The following PAH variants were observed in gnomAD, a reference collection of about 807,000 sequenced individuals.
PAH encodes phenylalanine-4-hydroxylase.
PAH carries 64 observed loss-of-function variants against 62.0 expected under a neutral mutation model. The observed-to-expected ratio is 1.03, with a 90% CI of 0.84 to 1.27. The LOEUF (loss-of-function observed/expected upper bound fraction) is 1.27. Ranked by LOEUF, PAH falls within the 50% of genes most tolerant of loss-of-function variation. The pLI, the probability that PAH is intolerant of heterozygous loss-of-function variation, is 0.00. For missense variants in PAH, 579 were observed against 542.8 expected (o/e 1.07, Z -0.66); for synonymous variants, 195 against 196.2 (o/e 0.99, Z 0.05).
chr12:102,915,634 T>C (rs1439741717), intron 1 of PAH, among the ~76,000 whole-genome samples: 1 of 152,170 alleles, frequency 6.6e-6, no homozygotes, highest in East Asian at 1.9e-4. Context: ...TGTAAATCAG[T>C]GTTTCTCAAT....
chr12:102,858,297 C>A (rs956330283), intron 5 of PAH, among the ~76,000 whole-genome samples: 1 of 152,068 alleles, frequency 6.6e-6, no homozygotes, highest in African/African-American at 2.4e-5. Flanking sequence ...GTATATGCAC[C>A]CAATACAGGA....
At chr12:102,874,627 AT>A (rs1876485602) in intron 4 of PAH, among the ~76,000 whole-genome samples, 1 of 152,266 alleles carries the variant, frequency 6.6e-6, no homozygotes, top group East Asian at 1.9e-4. Context: ...TTAGCTCCTA[AT>A]ATCATTAGTT....
At chr12:102,839,626 G>T (rs559132288) in intron 12 of PAH, among the ~76,000 whole-genome samples, 12 of 152,302 alleles carry the variant, frequency 7.9e-5, no homozygotes, top group Middle Eastern at 3.4e-3. Context: ...TCACAAATTT[G>T]GTAAATTTAG....
intron 8 of PAH, 99 bp from the exon 9 acceptor site, chr12:102,847,050 C>G (rs758670608): frequency 1.1e-6 from 1 of 899,304 alleles, no homozygotes; most frequent in African/African-American, 1.6e-5. Flanking sequence ...TGGCCAGATG[C>G]CTTCAGAACA....
intron 1 of PAH, among the ~76,000 whole-genome samples, chr12:102,914,222 C>T (rs1878303322): frequency 6.6e-6 from 1 of 152,190 alleles, no homozygotes; most frequent in South Asian, 2.1e-4. Context: ...GAAGACTAAA[C>T]TGTTAAATAT....
At position 102,946,016 on chromosome 12, in the gene PAH, G is replaced by A. The variant is rs937201006; in HGVS notation, c.-96+4573C>T. ...GGGTCCTTCACTTCAAGGTAGTGGG[G>A]TCTCTTCTGTCCCAGGATGTGTCTA... On this transcript the variant is annotated intron_variant, in intron 1 of 3. Transcript: ENST00000546844. 2.0e-5 allele frequency: 3 copies of A among 152,310 alleles called. 1 individual carries two copies. Among genetic ancestry groups the A allele is most frequent in the Admixed American group, 2.0e-4 (3 of 15,284 alleles). The allele number at this position is 152,310 out of a possible 1,614,324, so 9.4% of individuals were successfully genotyped here.
Position 102,840,582 on chromosome 12 carries a change from T to C in PAH, c.1200-67A>G. 5.5e-6 allele frequency: 6 copies of C among 1,094,918 alleles called. No homozygotes were observed. In the South Asian group the frequency reaches 7.5e-5, roughly 14 times the overall value. 67.8% of individuals were successfully genotyped at this position (1,094,918 alleles called of 1,614,324 possible). A position where few individuals can be genotyped will look rare whatever the true frequency, so the allele number is the denominator to read the frequency against. ...GAGAAAGGTAGTCTTAAGAGAGTTC[T>C]CAGTGGCATTTTACTTCTTTTTTAG... On this transcript the variant is annotated intron_variant, in intron 11 of 12. Coordinates refer to ENST00000553106, the MANE Select transcript of PAH (RefSeq NM_000277.3).
chr12:102,938,136 A>G (rs1593000809), intron 1 of PAH, among the ~76,000 whole-genome samples: 1 of 152,248 alleles, frequency 6.6e-6, no homozygotes. Flanking sequence ...AGTGAACCAC[A>G]GAGAGCAGAG....
At chr12:102,945,938 C>T (rs972674339) in intron 1 of PAH, 1 of 152,200 alleles carries the variant, frequency 6.6e-6, no homozygotes, top group Non-Finnish European at 1.5e-5. Flanking sequence ...ATGGAATATA[C>T]TACCTGGTTA....
upstream of PAH, among the ~76,000 whole-genome samples, chr12:102,954,889 G>C (rs955959834): frequency 6.6e-6 from 1 of 152,220 alleles, no homozygotes; most frequent in Non-Finnish European, 1.5e-5. Flanking sequence ...AAGTGGAGAT[G>C]ACAGTGTTGA....
At chr12:102,912,769 C>G in intron 2 of PAH, 22 bp downstream of exon 2, 1 of 1,493,214 alleles carries the variant, frequency 6.7e-7, no homozygotes, top group Non-Finnish European at 9.3e-7. Flanking sequence ...TTATCCAAGA[C>G]AAACATGATT....
chr12:102,947,693 C>T (rs1291366860), intron 1 of PAH, among the ~76,000 whole-genome samples: 1 of 152,144 alleles, frequency 6.6e-6, no homozygotes, highest in East Asian at 1.9e-4. Flanking sequence ...AAAGTAGGAC[C>T]TGATTTATCT....
intron 1 of PAH, chr12:102,958,151 C>T: frequency 4.2e-6 from 4 of 946,892 alleles, no homozygotes; most frequent in Non-Finnish European, 5.7e-6. Context: ...CCTCTCTGTT[C>T]CTGCACCCAA....
chr12:102,871,454 G>A (rs1009757717), intron 4 of PAH, among the ~76,000 whole-genome samples: 8 of 152,102 alleles, frequency 5.3e-5, no homozygotes, highest in African/African-American at 1.7e-4. Context: ...TGTTCTTTCT[G>A]TCTTCCTGGA....
upstream of PAH, among the ~76,000 whole-genome samples, chr12:102,918,439 G>T (rs993663232): frequency 3.4e-5 from 5 of 147,470 alleles, no homozygotes; most frequent in East Asian, 9.7e-4. Flanking sequence ...CTTTGACCAA[G>T]CATCTGAAAA....
At chr12:102,904,318 T>A (rs902702680) in intron 2 of PAH, among the ~76,000 whole-genome samples, 3 of 152,180 alleles carry the variant, frequency 2.0e-5, no homozygotes, top group Non-Finnish European at 4.4e-5. Flanking sequence ...CAAACCTAGG[T>A]TATCACTGAT....
In PAH at chr12:102,846,921, C is replaced by A. The variant is rs62642917; in HGVS notation, c.943G>T (p.Asp315Tyr). 3 of 1,613,720 alleles carry A rather than the reference C, an allele frequency of 1.9e-6. No individual in the cohort carries two copies. The highest frequency in any genetic ancestry group is 1.7e-6 in the Non-Finnish European group (2 of 1,179,680). The change falls in exon 9 of 13, where the codon GAT (aspartate) becomes TAT (tyrosine). Residue 315 changes from aspartate to tyrosine, a missense_variant. Coordinates refer to ENST00000553106, the MANE Select transcript of PAH (RefSeq NM_000277.3). ...GTGGCGAGCTTTTCAATGTATTCAT[C>A]AGGTGCACCCAGAGAGGCAAGGCCA... Reference protein sequence around the residue: ...EIGLASLGAPDEYIEKLATIY... With the variant: ...EIGLASLGAPYEYIEKLATIY...
At position 102,958,162 on chromosome 12, in the gene PAH, G is replaced by T; in HGVS notation, c.-96+33C>A. The T allele has an allele frequency of 4.5e-6, 5 of 1,109,168 alleles. No homozygotes were observed. The South Asian group carries it at 1.1e-4, about 23-fold the overall frequency. 68.7% of individuals were successfully genotyped at this position (1,109,168 alleles called of 1,614,324 possible). A position where few individuals can be genotyped will look rare whatever the true frequency, so the allele number is the denominator to read the frequency against. On this transcript the variant is annotated intron_variant, in intron 1 of 4. Transcript: ENST00000551337. ...TTTCCCTCTCTGTTCCTGCACCCAA[G>T]TTCTCTCTGTGTCCCCCTCGCGGGC...
chr12:102,933,658 T>C (rs1234747622), intron 1 of PAH, among the ~76,000 whole-genome samples: 2 of 152,204 alleles, frequency 1.3e-5, no homozygotes, highest in Admixed American at 6.5e-5. Flanking sequence ...TGAGATGATA[T>C]TTCATTGCAG....
Sources: gnomAD v4.1 joint callset for allele counts (sites outside exome capture counted in the v4.1 genomes callset) on GRCh38, gnomAD v4.1.1 for gene constraint, MANE v1.5 for transcripts, NCBI Gene and HGNC (gene_info 2026-07-23, HGNC 2026-07-21) for gene names.